L3MBTL1: variants seen among roughly 807,000 people sequenced by gnomAD.
L3MBTL1 encodes lethal(3)malignant brain tumor-like protein 1.
L3MBTL1 carries 75 observed loss-of-function variants against 105.3 expected under a neutral mutation model. The ratio of observed to expected loss-of-function variants is 0.71; its 90% CI spans 0.59 to 0.86. The LOEUF (loss-of-function observed/expected upper bound fraction) is 0.86. L3MBTL1 is among the 40% of genes least tolerant of loss of function. The probability of loss-of-function intolerance (pLI) is 0.00; values close to 1 mark genes in which losing one functional copy is unlikely to be tolerated. For synonymous variants in L3MBTL1, 452 were observed against 436.2 expected, an observed-to-expected ratio of 1.04 and a Z score of -0.45; for missense variants, 1,069 against 1,126.4, an observed-to-expected ratio of 0.95 and a Z score of 0.73.
At chr20:43,549,714 A>T (rs1490120329) in exon 19 of L3MBTL1, 1 of 139,758 alleles carries the variant, frequency 7.2e-6, no homozygotes, top group Non-Finnish European at 1.5e-5. Flanking sequence ...CAATCATGTG[A>T]TGTGTGTGTG....
chr20:43,519,101 C>G lies in L3MBTL1; in HGVS notation c.862+2924C>G, dbSNP rs531505737. Among the ~76,000 whole-genome samples, 137 of 151,994 alleles carry G rather than the reference C, an allele frequency of 9.0e-4. 1 individual carries two copies. The South Asian group carries it at 0.015, about 17-fold the overall frequency. On this transcript the variant is annotated intron_variant, in intron 7 of 21. Coordinates refer to ENST00000418998, the MANE Select transcript of L3MBTL1 (RefSeq NM_001377303.1). ...CCTGTAATCCCAGCACTTTGGGAGG[C>G]TGAGGTGGATGGATCACTTGAGCTC... is the stretch of plus-strand genomic sequence containing the variant.
downstream of L3MBTL1, among the ~76,000 whole-genome samples, chr20:43,544,392 T>TA (rs1220407332): frequency 1.3e-5 from 2 of 152,224 alleles, no homozygotes; most frequent in Non-Finnish European, 2.9e-5. Context: ...TGGCTTATTT[T>TA]ATCCATTTTC....
At chr20:43,507,862 G>C (rs141494928) in intron 1 of L3MBTL1, 118 bp downstream of exon 1, 2,085 of 152,432 alleles carry the variant, frequency 0.014, 33 homozygotes, top group Non-Finnish European at 0.023. Context: ...CTCCTTCCGA[G>C]CGCCTCCGGC....
At chr20:43,528,876 C>G (rs1056347452) in intron 8 of L3MBTL1, 131 bp downstream of exon 8, 11 of 742,990 alleles carry the variant, frequency 1.5e-5, no homozygotes, top group Middle Eastern at 3.0e-4. Context: ...AAGGGAGAGA[C>G]TGTTTAGGGG....
Position 43,514,633 on chromosome 20 carries a change from A to C in L3MBTL1, c.361-2A>C, listed in dbSNP as rs779008868. 1 of 1,598,392 alleles carries C rather than the reference A, an allele frequency of 6.3e-7. No homozygotes were observed. The highest frequency in any genetic ancestry group is 1.7e-5 in the Admixed American group (1 of 57,808). Reference sequence around the variant, plus strand: ...CAATCCTCAGACCCTCCCGCGCTCCAGTTCCGGATAAGCGAGTATAAGCCG... The same window carrying C: ...CAATCCTCAGACCCTCCCGCGCTCCCGTTCCGGATAAGCGAGTATAAGCCG... On this transcript the variant is annotated splice_acceptor_variant, in intron 3 of 21. Coordinates refer to ENST00000418998, the MANE Select transcript of L3MBTL1 (RefSeq NM_001377303.1). LOFTEE classifies it high-confidence loss of function.
At chr20:43,508,823 G>T (rs2018055350) in intron 1 of L3MBTL1, among the ~76,000 whole-genome samples, 2 of 152,228 alleles carry the variant, frequency 1.3e-5, no homozygotes, top group Admixed American at 1.3e-4. Context: ...AGAGGCCTCA[G>T]CCTGACCTAA....
intron 16 of L3MBTL1, among the ~76,000 whole-genome samples, chr20:43,535,525 C>T (rs2019559139): frequency 6.6e-6 from 1 of 152,176 alleles, no homozygotes; most frequent in African/African-American, 2.4e-5. Flanking sequence ...CATGAATCTG[C>T]CAGATGTGGC....
At chr20:43,523,741 G>C (rs2018862216) in intron 7 of L3MBTL1, among the ~76,000 whole-genome samples, 1 of 151,970 alleles carries the variant, frequency 6.6e-6, no homozygotes, top group Non-Finnish European at 1.5e-5. Flanking sequence ...TTTTTTTAAA[G>C]ATAGAAATAG....
chr20:43,515,144 A>G lies in L3MBTL1; in HGVS notation c.638A>G (p.Gln213Arg), dbSNP rs149664498. ...GGTTCCTCTAATGATGGCTGCCCTC[A>G]GCTGTTCCAGGAGCGGTAAGGGGAG... ...DLGSSNDGCPQLFQERSVIVE... is the reference protein window; with the variant it reads ...DLGSSNDGCPRLFQERSVIVE... The change falls in exon 5 of 22, where the codon CAG becomes CGG. Residue 213 changes from glutamine (Q) to arginine (R), a missense_variant. Gln to Arg is a conservative substitution (Grantham distance 43, BLOSUM62 1). Coordinates refer to ENST00000418998, the MANE Select transcript of L3MBTL1 (RefSeq NM_001377303.1). 2.7e-5 allele frequency: 44 copies of G among 1,614,164 alleles called. No homozygotes were observed. The African/African-American group carries it at 5.5e-4, about 20-fold the overall frequency.
At chr20:43,513,226 A>G (rs2018185128) in intron 1 of L3MBTL1, among the ~76,000 whole-genome samples, 1 of 152,178 alleles carries the variant, frequency 6.6e-6, no homozygotes, top group African/African-American at 2.4e-5. Context: ...GTACCCTCAC[A>G]CATGCCACCC....
rs1027129410 is a variant in L3MBTL1 at position 43,514,845 on chromosome 20, G to A, written c.502+69G>A. 6.8e-6 allele frequency: 10 copies of A among 1,469,734 alleles called. No homozygotes were observed. The South Asian group carries it at 1.1e-4, about 16-fold the overall frequency. 91.0% of individuals were successfully genotyped at this position (1,469,734 alleles called of 1,614,324 possible). ...GTGGGGCGAGGCCTGAGCCCCAGAA[G>A]GTTCGGGGGCGGGGCCCGGGGTGGT... On this transcript the variant is annotated intron_variant, in intron 4 of 21. Transcript: ENST00000418998.
At chr20:43,525,363 A>G (rs1329338509) in intron 7 of L3MBTL1, among the ~76,000 whole-genome samples, 2 of 152,042 alleles carry the variant, frequency 1.3e-5, no homozygotes, top group African/African-American at 4.8e-5. Context: ...GATCAGTGCC[A>G]CCGCTAGCCA....
rs752409792 is a variant in L3MBTL1 at position 43,541,135 on chromosome 20, CT to C, written c.*13del. The C allele has an allele frequency of 2.4e-5, 38 of 1,610,132 alleles. No individual in the cohort carries two copies. The highest frequency in any genetic ancestry group is 3.1e-5 in the Non-Finnish European group (37 of 1,176,898). On this transcript the variant is annotated 3_prime_UTR_variant, in exon 22 of 22. Transcript: ENST00000418998. ...CAGTGATAGTCAATATTAAAGTGTA[CT>C]TTTTTCCCCTTTAATCCAATATAGT... is the stretch of plus-strand genomic sequence containing the variant.
In L3MBTL1 at chr20:43,541,044, G is replaced by A. The variant is rs753358173; in HGVS notation, c.2505G>A (p.Leu835=). ...ATCTTCAGGAAGGAAAAGGCATCCT[G>A]GAGACAGGAGTCCATTCACTCCTCT... ...SDHLQEGKGI[L]ETGVHSLLCS... Residue 835 remains leucine (L), a synonymous_variant, in exon 22 of 22, where the codon CTG becomes CTA. Transcript: ENST00000418998. 2 of 1,614,176 alleles carry A rather than the reference G, an allele frequency of 1.2e-6. No homozygotes were observed. Among genetic ancestry groups the A allele is most frequent in the Non-Finnish European group, 1.7e-6 (2 of 1,180,036 alleles).
At chr20:43,541,926 G>A (rs1012298702), downstream of L3MBTL1, 22 of 985,114 alleles carry the variant, frequency 2.2e-5, no homozygotes, top group African/African-American at 3.7e-4. Flanking sequence ...AAAGAACTTT[G>A]TCGGCCGGGC....
chr20:43,528,732 G>T lies in L3MBTL1; in HGVS notation c.938G>T (p.Ser313Ile). 6.2e-7 allele frequency: 1 copy of T among 1,613,538 alleles called. No homozygotes were observed. Among genetic ancestry groups the T allele is most frequent in the Non-Finnish European group, 8.5e-7 (1 of 1,179,430 alleles). Residue 313 changes from serine (S) to isoleucine (I), a missense_variant, in exon 8 of 22, where the codon AGC becomes ATC. Transcript: ENST00000418998. The part of the protein sequence containing the change: ...EEQKAITAPV[S>I]LFQDSQAVTH... Reference sequence around the variant, plus strand: ...CAGAAGGCCATTACTGCTCCAGTCAGCCTCTTCCAGGACGTGAGTTGGACA... The same window carrying T: ...CAGAAGGCCATTACTGCTCCAGTCATCCTCTTCCAGGACGTGAGTTGGACA...
At chr20:43,524,946 T>C (rs1023645084) in intron 7 of L3MBTL1, among the ~76,000 whole-genome samples, 1 of 151,974 alleles carries the variant, frequency 6.6e-6, no homozygotes, top group African/African-American at 2.4e-5. Flanking sequence ...AATAAACACG[T>C]TTTTTCATTT....
intron 3 of L3MBTL1, chr20:43,514,414 G>C: frequency 6.9e-7 from 1 of 1,453,480 alleles, no homozygotes; most frequent in Non-Finnish European, 9.1e-7. Flanking sequence ...GCGTGGCTTA[G>C]AGTGGGGCAC....
chr20:43,546,197 A>T (rs1978588575), downstream of L3MBTL1, among the ~76,000 whole-genome samples: 1 of 152,226 alleles, frequency 6.6e-6, no homozygotes, highest in Non-Finnish European at 1.5e-5. Context: ...CAGAGCTGCA[A>T]GGCAGAAGAC....
Sources: allele counts gnomAD v4.1 joint callset (sites outside exome capture counted in the v4.1 genomes callset), GRCh38; gene constraint gnomAD v4.1.1; transcripts MANE v1.5; gene names NCBI Gene and HGNC (gene_info 2026-07-23, HGNC 2026-07-21).